The following CPVL variants were observed in gnomAD, a reference collection of about 807,000 sequenced individuals.
CPVL encodes probable serine carboxypeptidase CPVL.
Under a neutral mutation model 63.7 loss-of-function variants are expected in CPVL, and 51 were observed. The observed-to-expected ratio is 0.80, with a 90% confidence interval of 0.64 to 1.01. The LOEUF (loss-of-function observed/expected upper bound fraction) is 1.01. Among genes scored for constraint, CPVL ranks in the 50% least tolerant of loss-of-function variants. The pLI is 0.00. For missense variants in CPVL, 530 were observed against 573.1 expected (o/e 0.92, Z 0.77); for synonymous variants, 195 against 206.0 (o/e 0.95, Z 0.46).
chr7:29,076,573 C>T (rs1431999829), intron 7 of CPVL, among the ~76,000 whole-genome samples: 3 of 152,206 alleles, frequency 2.0e-5, no homozygotes, highest in Non-Finnish European at 4.4e-5. Context: ...GCACTCAACA[C>T]ATCAGAATTT....
upstream of CPVL, chr7:29,147,024 C>G (rs1171186247): frequency 6.5e-7 from 1 of 1,546,726 alleles, no homozygotes; most frequent in Non-Finnish European, 8.7e-7. Context: ...GCTGGAGTCT[C>G]AGAGCCACCT....
chr7:29,176,409 C>G (rs1334040542), intron 5 of CPVL, among the ~76,000 whole-genome samples: 2 of 152,156 alleles, frequency 1.3e-5, no homozygotes, highest in East Asian at 3.9e-4. Context: ...TAATAGTGGA[C>G]TTCTTATTGG....
intron 3 of CPVL, 74 bp downstream of exon 3, chr7:29,112,630 G>A (rs1303020784): frequency 1.1e-5 from 10 of 915,274 alleles, no homozygotes; most frequent in South Asian, 3.1e-5. Flanking sequence ...CCTGTAGCTC[G>A]GTAGGCTAAC....
chr7:29,155,920 G>A (rs1367614589), intron 5 of CPVL, among the ~76,000 whole-genome samples: 2 of 152,206 alleles, frequency 1.3e-5, no homozygotes, highest in Non-Finnish European at 2.9e-5. Context: ...AATAGGCCCT[G>A]AGCCGATAGA....
intron 11 of CPVL, among the ~76,000 whole-genome samples, chr7:29,052,511 T>C (rs1321146043): frequency 6.8e-6 from 1 of 146,110 alleles, no homozygotes; most frequent in Non-Finnish European, 1.5e-5. Context: ...TTTATCAAAA[T>C]TAAAACTTTT....
chr7:29,039,815 G>A (rs1162652764), intron 11 of CPVL, among the ~76,000 whole-genome samples: 2 of 152,204 alleles, frequency 1.3e-5, no homozygotes, highest in African/African-American at 4.8e-5. Flanking sequence ...TTGTGCTTTT[G>A]TGAGAAGGAT....
At chr7:28,998,530 G>C (rs317697) in intron 12 of CPVL, among the ~76,000 whole-genome samples, 95,566 of 152,008 alleles carry the variant, frequency 0.63, 31,766 homozygotes, top group Non-Finnish European at 0.73. Flanking sequence ...GTATTACCTC[G>C]TGGGGTAGTT....
chr7:29,069,754 C>T, intron 9 of CPVL, among the ~76,000 whole-genome samples: 1 of 150,448 alleles, frequency 6.6e-6, no homozygotes, highest in Non-Finnish European at 1.5e-5. Context: ...TCGGCATCCT[C>T]TCCACTCACC....
intron 5 of CPVL, among the ~76,000 whole-genome samples, chr7:29,179,618 A>G (rs557757523): frequency 1.3e-5 from 2 of 152,338 alleles, no homozygotes; most frequent in South Asian, 4.1e-4. Flanking sequence ...CCTTTGCCAA[A>G]TAGAATTACT....
chr7:29,046,211 A>G (rs1301629162), intron 11 of CPVL, among the ~76,000 whole-genome samples: 5 of 151,652 alleles, frequency 3.3e-5, no homozygotes, highest in African/African-American at 1.2e-4. Flanking sequence ...CAACCTCCCA[A>G]GTAGCTGAGA....
intron 9 of CPVL, among the ~76,000 whole-genome samples, chr7:29,067,033 A>G (rs1783204129): frequency 6.6e-6 from 1 of 152,198 alleles, no homozygotes; most frequent in Non-Finnish European, 1.5e-5. Flanking sequence ...AGGAGGATCA[A>G]TGGATTGAAA....
At chr7:29,072,464 T>C in intron 7 of CPVL, 41 bp from the exon 8 acceptor site, 1 of 1,604,310 alleles carries the variant, frequency 6.2e-7, no homozygotes, top group African/African-American at 1.3e-5. Flanking sequence ...CACAAATGGA[T>C]GCTAGTAAAA....
chr7:29,072,196 G>A, intron 8 of CPVL, 105 bp downstream of exon 8: 1 of 1,289,106 alleles, frequency 7.8e-7, no homozygotes, highest in East Asian at 2.3e-5. Flanking sequence ...GTCAACTGGT[G>A]TTTCCCTTAT....
chr7:29,039,757 A>C (rs1788888057), intron 11 of CPVL, among the ~76,000 whole-genome samples: 1 of 152,186 alleles, frequency 6.6e-6, no homozygotes, highest in African/African-American at 2.4e-5. Context: ...AAATTACAGA[A>C]ATACCAGAGA....
intron 11 of CPVL, among the ~76,000 whole-genome samples, chr7:29,033,028 A>G (rs1271600517): frequency 1.3e-5 from 2 of 152,250 alleles, no homozygotes; most frequent in African/African-American, 2.4e-5. Flanking sequence ...GCTGAATTGC[A>G]CAATCTCGCA....
intron 7 of CPVL, among the ~76,000 whole-genome samples, chr7:29,085,727 T>C (rs944765411): frequency 2.0e-5 from 3 of 152,152 alleles, no homozygotes; most frequent in African/African-American, 7.2e-5. Context: ...TCACCAACAG[T>C]GGGACAAACT....
chr7:29,031,956 T>C (rs931951592), intron 11 of CPVL, among the ~76,000 whole-genome samples: 1 of 152,166 alleles, frequency 6.6e-6, no homozygotes, highest in Non-Finnish European at 1.5e-5. Flanking sequence ...AAAATGTTAA[T>C]ATTTAGATGG....
At chr7:29,146,695 C>T (rs1219284510), upstream of CPVL, 1 of 1,550,646 alleles carries the variant, frequency 6.4e-7, no homozygotes, top group Non-Finnish European at 8.7e-7. Context: ...CAAGCAGCCC[C>T]AGGGTGGAAT....
chr7:29,140,075 G>C (rs1194496402), intron 1 of CPVL, among the ~76,000 whole-genome samples: 1 of 152,038 alleles, frequency 6.6e-6, no homozygotes, highest in Non-Finnish European at 1.5e-5. Flanking sequence ...CTTTTCCCTA[G>C]CCAGGCCTTT....
Sources: gnomAD v4.1 joint callset for allele counts (sites outside exome capture counted in the v4.1 genomes callset) on GRCh38, gnomAD v4.1.1 for gene constraint, MANE v1.5 for transcripts, NCBI Gene and HGNC (gene_info 2026-07-23, HGNC 2026-07-21) for gene names.